CLDN14: variants seen among roughly 807,000 people sequenced by gnomAD.
The protein encoded by CLDN14 is claudin 14.
Under a neutral mutation model 2.1 loss-of-function variants are expected in CLDN14, and 2 were observed. The observed-to-expected ratio is 0.96, with a 90% CI of 0.39 to 3.01. The LOEUF (loss-of-function observed/expected upper bound fraction) is 3.01. Among genes scored for constraint, CLDN14 ranks in the 30% most tolerant of loss-of-function variants. CLDN14 has a pLI of 0.09. For synonymous variants in CLDN14, 136 were observed against 154.4 expected, an observed-to-expected ratio of 0.88 and a Z score of 0.88; for missense variants, 298 against 328.0, an observed-to-expected ratio of 0.91 and a Z score of 0.71.
chr21:36,545,876 C>T (rs982994308), intron 1 of CLDN14, among the ~76,000 whole-genome samples: 3 of 152,056 alleles, frequency 2.0e-5, no homozygotes, highest in Admixed American at 6.6e-5. Context: ...GATGTCTGCC[C>T]AGGCGGGAGG....
At chr21:36,532,415 TC>T (rs2087388324) in intron 1 of CLDN14, 1 of 149,800 alleles carries the variant, frequency 6.7e-6, no homozygotes, top group African/African-American at 2.4e-5. Flanking sequence ...AAAATGTCCT[TC>T]CAGGGAACAT....
chr21:36,533,695 G>A (rs562218500), intron 1 of CLDN14, among the ~76,000 whole-genome samples: 3 of 152,270 alleles, frequency 2.0e-5, no homozygotes, highest in Non-Finnish European at 4.4e-5. Flanking sequence ...TTGTAGGAAC[G>A]TGGGTGGAGC....
intron 1 of CLDN14, among the ~76,000 whole-genome samples, chr21:36,523,921 G>A (rs1233513558): frequency 1.3e-5 from 2 of 151,872 alleles, no homozygotes; most frequent in African/African-American, 2.4e-5. Context: ...CAGCCCTGCC[G>A]GCTCCTGGAG....
intron 1 of CLDN14, chr21:36,526,646 T>A (rs1457295564): frequency 1.3e-5 from 2 of 152,210 alleles, no homozygotes; most frequent in Non-Finnish European, 2.9e-5. Flanking sequence ...ACTTCAGCAA[T>A]TTTTAAAAAT....
chr21:36,490,963 CA>C, intron 2 of CLDN14, among the ~76,000 whole-genome samples: 1 of 141,692 alleles, frequency 7.1e-6, no homozygotes, highest in South Asian at 2.9e-4. Context: ...CACACACACA[CA>C]CACACACACA....
chr21:36,461,910 T>C (rs1015789814), intron 1 of CLDN14, 134 bp from the exon 2 acceptor site: 36 of 637,590 alleles, frequency 5.6e-5, no homozygotes, highest in Non-Finnish European at 1.3e-5. Flanking sequence ...TTCTCAAAAA[T>C]AGTTTCTGAG....
At chr21:36,572,671 T>C (rs1434887692) in intron 1 of CLDN14, among the ~76,000 whole-genome samples, 1 of 152,174 alleles carries the variant, frequency 6.6e-6, no homozygotes, top group Non-Finnish European at 1.5e-5. Flanking sequence ...AAACGGATGC[T>C]TTGGAAGACC....
chr21:36,523,564 T>C (rs1017207551), intron 1 of CLDN14, among the ~76,000 whole-genome samples: 1 of 151,530 alleles, frequency 6.6e-6, no homozygotes, highest in Non-Finnish European at 1.5e-5. Context: ...CTGGTCGACA[T>C]GGCAAAACCC....
At chr21:36,509,650 C>A (rs575531074) in intron 2 of CLDN14, among the ~76,000 whole-genome samples, 1 of 152,226 alleles carries the variant, frequency 6.6e-6, no homozygotes, top group South Asian at 2.1e-4. Flanking sequence ...GGCTGGAGTG[C>A]AGTGGCGCAA....
chr21:36,481,300 A>G (rs185840722), upstream of CLDN14, among the ~76,000 whole-genome samples: 1 of 152,350 alleles, frequency 6.6e-6, no homozygotes, highest in East Asian at 1.9e-4. Flanking sequence ...GGAATGAACT[A>G]ACTTGGAGAT....
rs78696144 is a variant in CLDN14 at position 36,553,045 on chromosome 21, C to T, written c.-220+23366G>A. Among the ~76,000 whole-genome samples, 75 of 152,350 alleles carry T rather than the reference C, an allele frequency of 4.9e-4. 1 individual carries two copies. In the East Asian group the frequency reaches 0.013, roughly 27 times the overall value. On this transcript the variant is annotated intron_variant, in intron 1 of 2. Coordinates refer to the CLDN14 transcript ENST00000342108. ...GGCCCAGCTGACGCACACCAAATCC[C>T]TTGGCCTTGGGCCTCAACAGGAGAG... is the stretch of plus-strand genomic sequence containing the variant.
rs537978106 is a variant in CLDN14, at chr21:36,464,518, G to A, written c.-81-2742C>T. Among the ~76,000 whole-genome samples, 11 of 152,322 alleles carry A rather than the reference G, an allele frequency of 7.2e-5. No homozygotes were observed. In the South Asian group the frequency reaches 2.3e-3, roughly 32 times the overall value. ...ACTCAGCAAGCACTCACTCTGTCCAGGGGCTAGGGACGCCATCACAGTCCC... is the reference window on the plus strand; with the variant it reads ...ACTCAGCAAGCACTCACTCTGTCCAAGGGCTAGGGACGCCATCACAGTCCC... On this transcript the variant is annotated intron_variant, in intron 1 of 1. Coordinates refer to ENST00000399135, the MANE Select transcript of CLDN14 (RefSeq NM_001146079.2).
intron 2 of CLDN14, among the ~76,000 whole-genome samples, chr21:36,509,565 G>A (rs541752534): frequency 1.3e-5 from 2 of 152,232 alleles, no homozygotes; most frequent in East Asian, 1.9e-4. Context: ...CCTGACAACC[G>A]CAGATGTCTT....
chr21:36,496,519 G>A (rs58192378), intron 2 of CLDN14, among the ~76,000 whole-genome samples: 24,668 of 147,050 alleles, frequency 0.17, 3,060 homozygotes, highest in African/African-American at 0.35. Flanking sequence ...TTCTAGGGAC[G>A]AATCCCTCCA....
chr21:36,567,673 C>A (rs529152919), intron 1 of CLDN14, among the ~76,000 whole-genome samples: 1 of 152,294 alleles, frequency 6.6e-6, no homozygotes, highest in African/African-American at 2.4e-5. Flanking sequence ...CGTCTCTAGA[C>A]CCATATACAT....
chr21:36,514,717 G>A (rs2087213862), intron 1 of CLDN14, among the ~76,000 whole-genome samples: 2 of 151,388 alleles, frequency 1.3e-5, no homozygotes, highest in Admixed American at 6.6e-5. Context: ...GAGGAGAAGG[G>A]GGAGAAGGGG....
intron 1 of CLDN14, among the ~76,000 whole-genome samples, chr21:36,539,375 A>C (rs1206333654): frequency 4.2e-5 from 5 of 119,150 alleles, no homozygotes; most frequent in Non-Finnish European, 7.0e-5. Context: ...GTGCGGAGTG[A>C]GTGTGTGTGG....
intron 2 of CLDN14, among the ~76,000 whole-genome samples, chr21:36,509,202 C>T (rs2087162059): frequency 1.3e-5 from 2 of 152,204 alleles, no homozygotes. Context: ...GCCCTAGCGC[C>T]ACAGGTGGAG....
chr21:36,546,923 C>T (rs1249729518), intron 1 of CLDN14, among the ~76,000 whole-genome samples: 2 of 152,128 alleles, frequency 1.3e-5, no homozygotes, highest in African/African-American at 4.8e-5. Context: ...TGTCTGGAGA[C>T]ATTTTTCATT....
Sources: allele counts gnomAD v4.1 joint callset (sites outside exome capture counted in the v4.1 genomes callset), GRCh38; gene constraint gnomAD v4.1.1; transcripts MANE v1.5; gene names NCBI Gene and HGNC (gene_info 2026-07-23, HGNC 2026-07-21).